The following RBFOX1 variants were observed in gnomAD, a reference collection of about 807,000 sequenced individuals.
RBFOX1 encodes the protein RNA binding fox-1 homolog 1, also known as RNA binding protein fox-1 homolog 1.
RBFOX1 carries 8 observed loss-of-function variants against 57.7 expected under a neutral mutation model. That is an observed-to-expected ratio of 0.14 (90% CI 0.08 to 0.25). The LOEUF (loss-of-function observed/expected upper bound fraction) is 0.25, where lower values mean the gene tolerates loss of function less well. Ranked by LOEUF, RBFOX1 falls within the 10% of genes least tolerant of loss-of-function variation. RBFOX1 has a pLI of 1.00. For synonymous variants in RBFOX1, 326 were observed against 222.4 expected (o/e 1.47, Z -4.15); for missense variants, 611 against 548.5 (o/e 1.11, Z -1.14).
chr16:7,492,786 C>G (rs927551358), intron 4 of RBFOX1, among the ~76,000 whole-genome samples: 1 of 152,174 alleles, frequency 6.6e-6, no homozygotes, highest in Non-Finnish European at 1.5e-5. Context: ...CTTGCCCCGA[C>G]TCTCACCATG....
chr16:6,531,933 C>T (rs921506622), intron 2 of RBFOX1, among the ~76,000 whole-genome samples: 1 of 152,140 alleles, frequency 6.6e-6, no homozygotes, highest in Non-Finnish European at 1.5e-5. Flanking sequence ...TACTTATTAG[C>T]AGTAGTCAGT....
chr16:6,551,323 C>T (rs886578641), intron 2 of RBFOX1, among the ~76,000 whole-genome samples: 1 of 152,174 alleles, frequency 6.6e-6, no homozygotes, highest in African/African-American at 2.4e-5. Context: ...TAGTCTGGGG[C>T]TGCCTCTTAT....
At chr16:6,980,744 G>A (rs2088550006) in intron 3 of RBFOX1, among the ~76,000 whole-genome samples, 1 of 152,106 alleles carries the variant, frequency 6.6e-6, no homozygotes, top group African/African-American at 2.4e-5. Context: ...TATGTGGGAA[G>A]AAAATGTTCA....
At chr16:7,453,983 A>C (rs1218668605) in intron 4 of RBFOX1, among the ~76,000 whole-genome samples, 1 of 152,244 alleles carries the variant, frequency 6.6e-6, no homozygotes, top group African/African-American at 2.4e-5. Context: ...CTGAAATCTC[A>C]GCAGTTTGGG....
At chr16:5,529,076 A>C (rs1396855989) in intron 2 of RBFOX1, among the ~76,000 whole-genome samples, 3 of 152,022 alleles carry the variant, frequency 2.0e-5, no homozygotes, top group Non-Finnish European at 4.4e-5. Context: ...CTCTCTCATC[A>C]GTGTCCATAA....
intron 2 of RBFOX1, among the ~76,000 whole-genome samples, chr16:6,487,553 G>A (rs550564926): frequency 7.3e-5 from 11 of 151,270 alleles, no homozygotes; most frequent in African/African-American, 2.4e-4. Flanking sequence ...AGCATTTACC[G>A]ATAGTGAAGA....
chr16:7,453,634 G>A (rs1330925605), intron 4 of RBFOX1, among the ~76,000 whole-genome samples: 1 of 152,054 alleles, frequency 6.6e-6, no homozygotes, highest in African/African-American at 2.4e-5. Context: ...GTTAAAGCGT[G>A]TATAGAGGAT....
intron 3 of RBFOX1, among the ~76,000 whole-genome samples, chr16:6,773,440 TG>T (rs560611896): frequency 7.7e-6 from 1 of 130,710 alleles, no homozygotes; most frequent in Non-Finnish European, 1.6e-5. Flanking sequence ...GCATTTGTCT[TG>T]GGGGGCATAG....
chr16:7,690,954 A>C (rs2147391250), intron 14 of RBFOX1, among the ~76,000 whole-genome samples: 1 of 152,232 alleles, frequency 6.6e-6, no homozygotes, highest in South Asian at 2.1e-4. Context: ...TTTTACAGAC[A>C]TTTCCTGTTA....
chr16:6,397,123 A>G (rs149812623), intron 2 of RBFOX1, among the ~76,000 whole-genome samples: 9 of 152,328 alleles, frequency 5.9e-5, no homozygotes, highest in Middle Eastern at 3.4e-3. Context: ...AGGAGAAGAT[A>G]ATGCATAAGT....
chr16:5,750,060 C>T (rs2053135947), intron 3 of RBFOX1, among the ~76,000 whole-genome samples: 1 of 152,162 alleles, frequency 6.6e-6, no homozygotes, highest in Admixed American at 6.5e-5. Context: ...GATGTCCTTT[C>T]TGTTTGTTAG....
chr16:7,571,270 T>G (rs1243123820), intron 5 of RBFOX1, among the ~76,000 whole-genome samples: 1 of 152,170 alleles, frequency 6.6e-6, no homozygotes, highest in Non-Finnish European at 1.5e-5. Context: ...CACTAGAAGA[T>G]GCCACGCAGG....
chr16:7,273,736 C>CA (rs1247755154), intron 4 of RBFOX1, among the ~76,000 whole-genome samples: 1 of 152,186 alleles, frequency 6.6e-6, no homozygotes, highest in Non-Finnish European at 1.5e-5. Flanking sequence ...CTAAATTCCC[C>CA]ATTCATCAGA....
chr16:6,731,927 C>G (rs1219928334), intron 3 of RBFOX1, among the ~76,000 whole-genome samples: 2 of 152,170 alleles, frequency 1.3e-5, no homozygotes, highest in African/African-American at 4.8e-5. Flanking sequence ...CAGTTAAAAT[C>G]TGACATCTAG....
At chr16:6,140,187 C>CT (rs5815288) in intron 1 of RBFOX1, among the ~76,000 whole-genome samples, 2,341 of 137,248 alleles carry the variant, frequency 0.017, 60 homozygotes, top group African/African-American at 0.049. Context: ...CTGGAAATGA[C>CT]TTTTTTTTTT....
chr16:6,024,717 G>A (rs1205600362), intron 1 of RBFOX1, among the ~76,000 whole-genome samples: 2 of 152,152 alleles, frequency 1.3e-5, no homozygotes, highest in Non-Finnish European at 1.5e-5. Flanking sequence ...CTGACCTCAA[G>A]TGATCCACCC....
chr16:5,345,760 T>G (rs13334279), intron 1 of RBFOX1, among the ~76,000 whole-genome samples: 2 of 152,072 alleles, frequency 1.3e-5, no homozygotes, highest in African/African-American at 4.8e-5. Flanking sequence ...TTAAGGCACA[T>G]GACGCCACCC....
chr16:5,311,217 T>C (rs568437736), intron 1 of RBFOX1, among the ~76,000 whole-genome samples: 2 of 152,356 alleles, frequency 1.3e-5, no homozygotes, highest in East Asian at 3.9e-4. Context: ...TGTTTGTATG[T>C]ATGTACATAC....
intron 10 of RBFOX1, among the ~76,000 whole-genome samples, chr16:7,625,509 C>G (rs1380335081): frequency 6.6e-6 from 1 of 152,166 alleles, no homozygotes; most frequent in Non-Finnish European, 1.5e-5. Flanking sequence ...CCCCAGAATA[C>G]TCATTCCATC....
Sources: allele counts gnomAD v4.1 joint callset (sites outside exome capture counted in the v4.1 genomes callset), GRCh38; gene constraint gnomAD v4.1.1; transcripts MANE v1.5; gene names NCBI Gene and HGNC (gene_info 2026-07-23, HGNC 2026-07-21).